GPM6A: variants seen among roughly 807,000 people sequenced by gnomAD.
GPM6A encodes neuronal membrane glycoprotein M6-a.
GPM6A carries 7 observed loss-of-function variants against 32.1 expected under a neutral mutation model. That is an observed-to-expected ratio of 0.22 (90% CI 0.12 to 0.41). The LOEUF is 0.41. Among genes scored for constraint, GPM6A ranks in the 10% least tolerant of loss-of-function variants. The pLI, the probability that GPM6A is intolerant of heterozygous loss-of-function variation, is 1.00. For missense variants in GPM6A, 235 were observed against 347.2 expected, an observed-to-expected ratio of 0.68 and a Z score of 2.57; for synonymous variants, 130 against 123.4, an observed-to-expected ratio of 1.05 and a Z score of -0.35.
chr4:175,728,687 T>C (rs1731283614), intron 1 of GPM6A, among the ~76,000 whole-genome samples: 1 of 152,254 alleles, frequency 6.6e-6, no homozygotes, highest in African/African-American at 2.4e-5. Context: ...TCAGTTGCAC[T>C]GTAACTTACT....
At chr4:175,647,785 T>C (rs547825406) in intron 4 of GPM6A, among the ~76,000 whole-genome samples, 1 of 152,230 alleles carries the variant, frequency 6.6e-6, no homozygotes, top group African/African-American at 2.4e-5. Flanking sequence ...GTTTGAGGAA[T>C]GGTTCTCTTC....
intron 1 of GPM6A, among the ~76,000 whole-genome samples, chr4:175,771,033 T>A (rs970115477): frequency 6.6e-6 from 1 of 152,220 alleles, no homozygotes; most frequent in South Asian, 2.1e-4. Flanking sequence ...CACAAATATG[T>A]AATGCCTCTT....
At chr4:175,862,147 C>T (rs1194603741) in intron 1 of GPM6A, among the ~76,000 whole-genome samples, 1 of 152,114 alleles carries the variant, frequency 6.6e-6, no homozygotes, top group African/African-American at 2.4e-5. Flanking sequence ...CTATAAGTTC[C>T]CTTAAAAACT....
At chr4:175,952,069 G>T (rs1739833708) in intron 1 of GPM6A, among the ~76,000 whole-genome samples, 1 of 152,180 alleles carries the variant, frequency 6.6e-6, no homozygotes, top group Non-Finnish European at 1.5e-5. Context: ...CACACATTCT[G>T]CTGATTCTCT....
At chr4:175,746,171 T>C (rs1041718104) in intron 1 of GPM6A, among the ~76,000 whole-genome samples, 37 of 152,084 alleles carry the variant, frequency 2.4e-4, no homozygotes, top group African/African-American at 8.5e-4. Context: ...CCAAAAACCA[T>C]ACATTCCGAT....
At chr4:175,751,798 A>G (rs1732349592) in intron 1 of GPM6A, among the ~76,000 whole-genome samples, 1 of 151,994 alleles carries the variant, frequency 6.6e-6, no homozygotes, top group Admixed American at 6.6e-5. Flanking sequence ...TTGTTTTACA[A>G]TTCAAGGAAA....
At chr4:175,990,996 A>G (rs1741119739) in intron 1 of GPM6A, among the ~76,000 whole-genome samples, 1 of 151,500 alleles carries the variant, frequency 6.6e-6, no homozygotes, top group Non-Finnish European at 1.5e-5. Context: ...CTTTAGAGAA[A>G]TTTGCTTTCT....
intron 1 of GPM6A, among the ~76,000 whole-genome samples, chr4:175,913,946 G>A (rs139570768): frequency 1.4e-3 from 209 of 152,140 alleles, no homozygotes; most frequent in African/African-American, 3.9e-3. Flanking sequence ...TCAATTCCAC[G>A]TGACTGTAAA....
chr4:175,963,841 G>A (rs1175752489), intron 1 of GPM6A, among the ~76,000 whole-genome samples: 1 of 152,136 alleles, frequency 6.6e-6, no homozygotes, highest in African/African-American at 2.4e-5. Context: ...TGACACCAAT[G>A]TTATAAGAGA....
intron 1 of GPM6A, among the ~76,000 whole-genome samples, chr4:175,886,066 A>G (rs1415795441): frequency 1.3e-5 from 2 of 152,196 alleles, no homozygotes; most frequent in African/African-American, 4.8e-5. Context: ...AGAAGTTCCA[A>G]AATGAGAAAA....
chr4:175,814,888 G>A (rs1434449624), upstream of GPM6A, among the ~76,000 whole-genome samples: 1 of 152,128 alleles, frequency 6.6e-6, no homozygotes, highest in Admixed American at 6.5e-5. Context: ...ACATCATTCT[G>A]TAACCATGGC....
At chr4:175,674,908 A>T (rs7660991) in intron 2 of GPM6A, among the ~76,000 whole-genome samples, 2,550 of 150,800 alleles carry the variant, frequency 0.017, 78 homozygotes, top group African/African-American at 0.057. Flanking sequence ...TTTTTTTTTT[A>T]AAAGAAAAAA....
At chr4:175,656,146 A>C (rs1462204642) in intron 3 of GPM6A, among the ~76,000 whole-genome samples, 2 of 152,058 alleles carry the variant, frequency 1.3e-5, no homozygotes, top group African/African-American at 4.8e-5. Context: ...ATATAGTAAA[A>C]TGCTGACTAA....
At chr4:175,835,834 A>G (rs1462420839) in intron 1 of GPM6A, among the ~76,000 whole-genome samples, 1 of 148,894 alleles carries the variant, frequency 6.7e-6, no homozygotes, top group Non-Finnish European at 1.5e-5. Flanking sequence ...CATAATTTAT[A>G]TATTATAAAT....
At chr4:175,797,325 T>C (rs1030689361) in intron 1 of GPM6A, among the ~76,000 whole-genome samples, 1 of 152,182 alleles carries the variant, frequency 6.6e-6, no homozygotes, top group African/African-American at 2.4e-5. Context: ...TTAGTGTTCA[T>C]TGGGGCTTTC....
At chr4:175,686,200 T>G (rs538150495) in intron 2 of GPM6A, among the ~76,000 whole-genome samples, 6 of 152,324 alleles carry the variant, frequency 3.9e-5, no homozygotes, top group Admixed American at 2.0e-4. Context: ...AAATGAACCT[T>G]GATTACTGTG....
chr4:175,901,170 G>A (rs1737955527), intron 1 of GPM6A, among the ~76,000 whole-genome samples: 2 of 151,688 alleles, frequency 1.3e-5, no homozygotes, highest in Non-Finnish European at 1.5e-5. Context: ...CAGCAGAGGT[G>A]GGGGTGGTTA....
At chr4:175,733,054 C>T (rs1731500951) in intron 1 of GPM6A, among the ~76,000 whole-genome samples, 1 of 152,076 alleles carries the variant, frequency 6.6e-6, no homozygotes, top group Non-Finnish European at 1.5e-5. Flanking sequence ...GTGAAATGGA[C>T]ATGTTACTTT....
chr4:175,903,975 G>T (rs1010409201), intron 1 of GPM6A, among the ~76,000 whole-genome samples: 1 of 152,124 alleles, frequency 6.6e-6, no homozygotes, highest in African/African-American at 2.4e-5. Context: ...GGAAATACAT[G>T]TGAAGAGAAT....
Sources: allele counts gnomAD v4.1 joint callset (sites outside exome capture counted in the v4.1 genomes callset), GRCh38; gene constraint gnomAD v4.1.1; transcripts MANE v1.5; gene names NCBI Gene and HGNC (gene_info 2026-07-23, HGNC 2026-07-21).